The following SEL1L3 variants were observed in gnomAD, a reference collection of about 807,000 sequenced individuals.
The protein encoded by SEL1L3 is protein sel-1 homolog 3.
Under a neutral mutation model 142.8 loss-of-function variants are expected in SEL1L3, and 76 were observed. The ratio of observed to expected loss-of-function variants is 0.53; its 90% CI spans 0.44 to 0.64. The LOEUF (loss-of-function observed/expected upper bound fraction) is 0.64. Ranked by LOEUF, SEL1L3 falls within the 30% of genes least tolerant of loss-of-function variation. The probability of loss-of-function intolerance (pLI) is 0.00; values close to 1 mark genes in which losing one functional copy is unlikely to be tolerated. For synonymous variants in SEL1L3, 504 were observed against 519.6 expected (o/e 0.97, Z 0.41); for missense variants, 1,262 against 1,381.7 (o/e 0.91, Z 1.37).
chr4:25,825,831 C>T (rs567439269), intron 6 of SEL1L3, among the ~76,000 whole-genome samples: 24 of 151,990 alleles, frequency 1.6e-4, no homozygotes, highest in South Asian at 4.2e-4. Flanking sequence ...TGCGCCACCA[C>T]GCCCAGCTAA....
intron 11 of SEL1L3, among the ~76,000 whole-genome samples, chr4:25,795,426 A>G (rs1316159391): frequency 6.6e-6 from 1 of 152,170 alleles, no homozygotes; most frequent in African/African-American, 2.4e-5. Context: ...ATCTAAGAGA[A>G]TTTTATGCTT....
intron 2 of SEL1L3, among the ~76,000 whole-genome samples, chr4:25,844,794 T>C (rs1302263286): frequency 1.3e-5 from 2 of 152,218 alleles, no homozygotes; most frequent in African/African-American, 4.8e-5. Flanking sequence ...GTGGAAGGTA[T>C]TCCAGACAGA....
At chr4:25,784,114 G>A (rs768670691) in intron 14 of SEL1L3, 114 bp downstream of exon 14, 10 of 882,074 alleles carry the variant, frequency 1.1e-5, no homozygotes, top group Admixed American at 5.7e-5. Context: ...TCACCACCCC[G>A]TTTCCACCTT....
At chr4:25,801,582 C>T (rs925061524) in intron 11 of SEL1L3, among the ~76,000 whole-genome samples, 1 of 152,168 alleles carries the variant, frequency 6.6e-6, no homozygotes, top group Non-Finnish European at 1.5e-5. Flanking sequence ...TAATGTAATA[C>T]ATTATGGTCT....
the SEL1L3 span, among the ~76,000 whole-genome samples, chr4:25,728,337 G>A: frequency 6.6e-6 from 1 of 152,116 alleles, no homozygotes; most frequent in Non-Finnish European, 1.5e-5. Flanking sequence ...GTCCAGGCCT[G>A]TAGAGAGGCT....
At chr4:25,831,538 A>G (rs1206465026) in intron 5 of SEL1L3, among the ~76,000 whole-genome samples, 2 of 135,152 alleles carry the variant, frequency 1.5e-5, no homozygotes, top group Non-Finnish European at 3.2e-5. Flanking sequence ...TATTATTATT[A>G]TTATTGAGAC....
the SEL1L3 span, among the ~76,000 whole-genome samples, chr4:25,736,364 C>G: frequency 1.3e-5 from 2 of 151,884 alleles, no homozygotes; most frequent in African/African-American, 4.8e-5. Flanking sequence ...GGTGGGATTA[C>G]AGCGGCTCAC....
chr4:25,720,007 A>T, the SEL1L3 span: 1 of 152,210 alleles, frequency 6.6e-6, no homozygotes, highest in Non-Finnish European at 1.5e-5. Flanking sequence ...ATGCTAATAT[A>T]ATATTAATGT....
chr4:25,825,493 A>C (rs1049312579), intron 6 of SEL1L3, among the ~76,000 whole-genome samples: 1 of 152,060 alleles, frequency 6.6e-6, no homozygotes, highest in Non-Finnish European at 1.5e-5. Context: ...AGAGCACCAG[A>C]AGCCTGAAAG....
chr4:25,753,530 C>G (rs545870635), intron 23 of SEL1L3, among the ~76,000 whole-genome samples: 147 of 152,366 alleles, frequency 9.6e-4, no homozygotes, highest in African/African-American at 3.3e-3. Flanking sequence ...GTCTCAGGAC[C>G]TTGTGCACCA....
At chr4:25,765,276 G>T in intron 20 of SEL1L3, 50 bp downstream of exon 20, 1 of 1,273,666 alleles carries the variant, frequency 7.9e-7, no homozygotes, top group Non-Finnish European at 1.1e-6. Flanking sequence ...TTACAGGCAT[G>T]AGCCACCGTG....
rs1719608981 is a variant in SEL1L3 at position 25,776,178 on chromosome 4, T to C, written c.2669+99A>G. The stretch of plus-strand genomic sequence containing the variant: ...TCATTACTGGGAGCTGTGATTTCCC[T>C]GCAAATTGCTTTCTCAGTTGCATTT... On this transcript the variant is annotated intron_variant, in intron 17 of 23. Coordinates refer to ENST00000399878, the MANE Select transcript of SEL1L3 (RefSeq NM_015187.5). The C allele has an allele frequency of 3.5e-5, 25 of 706,594 alleles. No individual in the cohort carries two copies. The South Asian group carries it at 4.2e-4, about 12-fold the overall frequency. 43.8% of individuals were successfully genotyped at this position (706,594 alleles called of 1,614,324 possible). A position where few individuals can be genotyped will look rare whatever the true frequency, so the allele number is the denominator to read the frequency against.
At chr4:25,859,307 A>G (rs1263100502) in intron 1 of SEL1L3, among the ~76,000 whole-genome samples, 1 of 152,122 alleles carries the variant, frequency 6.6e-6, no homozygotes, top group Non-Finnish European at 1.5e-5. Context: ...GCCTTTGGTG[A>G]CCTCAGAATT....
At chr4:25,729,202 T>G in the SEL1L3 span, among the ~76,000 whole-genome samples, 1 of 152,226 alleles carries the variant, frequency 6.6e-6, no homozygotes, top group African/African-American at 2.4e-5. Context: ...TCCTGATAAA[T>G]GACCACCAAC....
intron 6 of SEL1L3, 97 bp downstream of exon 6, chr4:25,830,001 A>C: frequency 2.7e-6 from 2 of 753,110 alleles, no homozygotes; most frequent in Non-Finnish European, 4.6e-6. Flanking sequence ...AGCTGAATGA[A>C]GAGATGTGGA....
the SEL1L3 span, among the ~76,000 whole-genome samples, chr4:25,725,194 G>A: frequency 2.6e-5 from 4 of 152,020 alleles, no homozygotes; most frequent in Non-Finnish European, 4.4e-5. Context: ...TGGATCTTGC[G>A]CAAAAAAGAA....
chr4:25,797,952 G>A (rs1285110840), intron 11 of SEL1L3, among the ~76,000 whole-genome samples: 1 of 152,178 alleles, frequency 6.6e-6, no homozygotes, highest in Non-Finnish European at 1.5e-5. Flanking sequence ...GCTTCCAGAG[G>A]GGGTGACATC....
chr4:25,722,623 G>GATTTTTTTTT, the SEL1L3 span, among the ~76,000 whole-genome samples: 14,917 of 124,650 alleles, frequency 0.12, 883 homozygotes, highest in Admixed American at 0.16. Context: ...TCCAAAGGAG[G>GATTTTTTTTT]CTTTTTTTTT....
intron 1 of SEL1L3, among the ~76,000 whole-genome samples, chr4:25,860,199 C>T (rs537839484): frequency 1.7e-4 from 26 of 152,286 alleles, no homozygotes; most frequent in African/African-American, 5.5e-4. Flanking sequence ...AACGATTTAG[C>T]ACAATGTATA....
Sources: allele counts gnomAD v4.1 joint callset (sites outside exome capture counted in the v4.1 genomes callset), GRCh38; gene constraint gnomAD v4.1.1; transcripts MANE v1.5; gene names NCBI Gene and HGNC (gene_info 2026-07-23, HGNC 2026-07-21).